Variants in DLG2 observed in about 807,000 individuals in gnomAD.
DLG2 encodes disks large homolog 2.
A neutral mutation model predicts 132.5 loss-of-function variants in DLG2; 45 were observed. That is an observed-to-expected ratio of 0.34 (90% CI 0.27 to 0.44). DLG2 has a LOEUF of 0.44. Among genes scored for constraint, DLG2 ranks in the 20% least tolerant of loss-of-function variants. The pLI is 1.00. For synonymous variants in DLG2, 424 were observed against 419.6 expected (o/e 1.01, Z -0.13); for missense variants, 1,045 against 1,196.9 (o/e 0.87, Z 1.87).
chr11:84,421,895 T>G (rs917257570), intron 7 of DLG2, among the ~76,000 whole-genome samples: 1 of 152,184 alleles, frequency 6.6e-6, no homozygotes, highest in Non-Finnish European at 1.5e-5. Context: ...ACTTCTTATG[T>G]TAAGTATTTT....
At chr11:85,029,192 CTT>C (rs11374561) in intron 6 of DLG2, among the ~76,000 whole-genome samples, 1 of 148,232 alleles carries the variant, frequency 6.7e-6, no homozygotes, top group Admixed American at 6.7e-5. Context: ...AGTTACCACT[CTT>C]TTTTTTTTTT....
intron 6 of DLG2, among the ~76,000 whole-genome samples, chr11:85,082,777 A>T (rs2067417297): frequency 7.2e-6 from 1 of 139,802 alleles, no homozygotes; most frequent in Non-Finnish European, 1.5e-5. Context: ...AATTTTAGCC[A>T]ACTAAGAGGC....
chr11:85,045,271 C>T (rs1333402352), intron 6 of DLG2, among the ~76,000 whole-genome samples: 1 of 151,982 alleles, frequency 6.6e-6, no homozygotes, highest in Non-Finnish European at 1.5e-5. Context: ...ATTTGGCTTT[C>T]ATAATAAGCT....
rs182491520 is a variant in DLG2 at position 83,767,927 on chromosome 11, T to C, written c.1825+18763A>G. On this transcript the variant is annotated intron_variant, in intron 18 of 27. Transcript: ENST00000376104. Reference sequence around the variant, plus strand: ...AATAACTATCACAAGGTCATGCAGCTAGCCAAGTAGCAGAAGCACTGCATT... The same window carrying C: ...AATAACTATCACAAGGTCATGCAGCCAGCCAAGTAGCAGAAGCACTGCATT... Among the ~76,000 whole-genome samples, 7 of 152,312 alleles carry C rather than the reference T, an allele frequency of 4.6e-5. No individual in the cohort carries two copies. The East Asian group carries it at 1.4e-3, about 29-fold the overall frequency.
At chr11:84,963,797 C>G (rs896673835) in intron 6 of DLG2, among the ~76,000 whole-genome samples, 1 of 152,138 alleles carries the variant, frequency 6.6e-6, no homozygotes, top group African/African-American at 2.4e-5. Flanking sequence ...GAGTTGCTTA[C>G]TCTGCAGGTA....
At chr11:83,655,356 G>T (rs985397589) in intron 18 of DLG2, among the ~76,000 whole-genome samples, 1 of 152,230 alleles carries the variant, frequency 6.6e-6, no homozygotes, top group Admixed American at 6.5e-5. Flanking sequence ...TGGAATCATT[G>T]TGGAGATTAT....
intron 3 of DLG2, among the ~76,000 whole-genome samples, chr11:85,333,915 A>G (rs2081951928): frequency 6.6e-6 from 1 of 151,472 alleles, no homozygotes; most frequent in Non-Finnish European, 1.5e-5. Context: ...TGTCTCTGAC[A>G]GGTTTTGGTA....
intron 6 of DLG2, among the ~76,000 whole-genome samples, chr11:84,722,159 T>C (rs76414264): frequency 5.6e-4 from 85 of 152,280 alleles, no homozygotes; most frequent in African/African-American, 1.9e-3. Flanking sequence ...TCAGATTTAT[T>C]TGGGAAGGAC....
intron 15 of DLG2, among the ~76,000 whole-genome samples, chr11:83,894,807 T>A (rs2071074922): frequency 6.6e-6 from 1 of 152,198 alleles, no homozygotes; most frequent in Non-Finnish European, 1.5e-5. Context: ...GCCCCTTCTC[T>A]TCCCAGCCTC....
intron 3 of DLG2, among the ~76,000 whole-genome samples, chr11:85,504,156 G>A (rs1458970697): frequency 2.0e-5 from 3 of 152,136 alleles, no homozygotes; most frequent in Non-Finnish European, 2.9e-5. Context: ...CTCCCATTCT[G>A]TAGGTTGCCT....
At chr11:84,231,292 A>G (rs1203541556) in intron 8 of DLG2, among the ~76,000 whole-genome samples, 1 of 152,188 alleles carries the variant, frequency 6.6e-6, no homozygotes, top group Non-Finnish European at 1.5e-5. Flanking sequence ...GATCTTAACT[A>G]TGGAGCACCT....
chr11:84,954,817 G>A (rs926448645), intron 6 of DLG2, among the ~76,000 whole-genome samples: 7 of 152,084 alleles, frequency 4.6e-5, no homozygotes, highest in African/African-American at 1.7e-4. Context: ...TCAAGCACAG[G>A]ACACACAATT....
intron 19 of DLG2, 46 bp downstream of exon 19, chr11:83,633,165 T>G: frequency 7.0e-6 from 11 of 1,573,130 alleles, no homozygotes; most frequent in South Asian, 1.1e-5. Context: ...TTTTCTCAAG[T>G]TGAATTGCTC....
intron 9 of DLG2, among the ~76,000 whole-genome samples, chr11:84,120,975 C>T (rs1263718140): frequency 6.6e-6 from 1 of 152,212 alleles, no homozygotes; most frequent in Non-Finnish European, 1.5e-5. Flanking sequence ...TAAGCTACAA[C>T]ACTACTCTAA....
At position 83,473,910 on chromosome 11, in the gene DLG2, G is replaced by A. The variant is rs151163080; in HGVS notation, c.2294-1133C>T. Reference sequence around the variant, plus strand: ...CTGATTTGGGGAAATTGAGCAATATGTGGGTATAGCTGCGAAGTTGGATGA... The same window carrying A: ...CTGATTTGGGGAAATTGAGCAATATATGGGTATAGCTGCGAAGTTGGATGA... On this transcript the variant is annotated intron_variant, in intron 22 of 27. Coordinates refer to ENST00000376104, the MANE Select transcript of DLG2 (RefSeq NM_001142699.3). 9.3e-4 allele frequency among the ~76,000 whole-genome samples: 142 copies of A among 152,268 alleles called. 2 individuals carry two copies. Among genetic ancestry groups the A allele is most frequent in the Non-Finnish European group, 1.5e-3 (104 of 68,004 alleles).
intron 16 of DLG2, among the ~76,000 whole-genome samples, chr11:83,859,206 C>T (rs562304115): frequency 1.4e-4 from 22 of 152,272 alleles, no homozygotes; most frequent in Middle Eastern, 3.4e-3. Context: ...AAAAGATACC[C>T]GAAAATGTGG....
At chr11:83,569,435 A>G (rs1188795731) in intron 19 of DLG2, among the ~76,000 whole-genome samples, 3 of 152,198 alleles carry the variant, frequency 2.0e-5, no homozygotes, top group Admixed American at 2.0e-4. Context: ...ATTTTTTGCT[A>G]TATGTCAAGT....
At chr11:84,330,576 C>G (rs1281263297) in intron 7 of DLG2, among the ~76,000 whole-genome samples, 3 of 152,154 alleles carry the variant, frequency 2.0e-5, no homozygotes, top group Non-Finnish European at 2.9e-5. Flanking sequence ...AATGACATCT[C>G]ATTTTTGTGT....
In DLG2 at chr11:84,297,364, T is replaced by C. The variant is rs2098105150; in HGVS notation, c.520-46073A>G. On this transcript the variant is annotated intron_variant, in intron 7 of 27. Coordinates refer to ENST00000376104, the MANE Select transcript of DLG2 (RefSeq NM_001142699.3). ...TGCAATTAAAATTTTCTGAAGATGT[T>C]TTGACTCCAGGAAGAGATATATAAT... 3.9e-5 allele frequency among the ~76,000 whole-genome samples: 6 copies of C among 152,284 alleles called. No homozygotes were observed. In the South Asian group the frequency reaches 1.2e-3, roughly 32 times the overall value.
Sources: gnomAD v4.1 joint callset for allele counts (sites outside exome capture counted in the v4.1 genomes callset) on GRCh38, gnomAD v4.1.1 for gene constraint, MANE v1.5 for transcripts, NCBI Gene and HGNC (gene_info 2026-07-23, HGNC 2026-07-21) for gene names.